The following NBPF12 variants were observed in gnomAD, a reference collection of about 807,000 sequenced individuals.
The protein encoded by NBPF12 is NBPF family member NBPF12.
In NBPF12, 115 loss-of-function variants were observed where a neutral mutation model predicts 146.4. The ratio of observed to expected loss-of-function variants is 0.79; its 90% CI spans 0.68 to 0.92. The LOEUF is 0.92. Among genes scored for constraint, NBPF12 ranks in the 40% least tolerant of loss-of-function variants. The probability of loss-of-function intolerance (pLI) is 0.00; values close to 1 mark genes in which losing one functional copy is unlikely to be tolerated. For missense variants in NBPF12, 1,205 were observed against 1,326.8 expected, an observed-to-expected ratio of 0.91 and a Z score of 1.43; for synonymous variants, 385 against 508.9, an observed-to-expected ratio of 0.76 and a Z score of 3.28.
At chr1:146,953,385 T>G in intron 2 of NBPF12, among the ~76,000 whole-genome samples, 1 of 141,516 alleles carries the variant, frequency 7.1e-6, no homozygotes, top group Middle Eastern at 3.5e-3. Flanking sequence ...CTGGAGCTTC[T>G]TGACTGGGGG....
exon 34 of NBPF12, chr1:146,994,936 G>A (rs1198831127): frequency 2.3e-4 from 85 of 366,508 alleles, no homozygotes; most frequent in Non-Finnish European, 3.8e-4. Context: ...TTTGTGTTTA[G>A]TTCATCCAAA....
chr1:146,947,699 C>T (rs1553883485), upstream of NBPF12, among the ~76,000 whole-genome samples: 62,603 of 130,104 alleles, frequency 0.48, 16,458 homozygotes, highest in South Asian at 0.72. Context: ...ATAGAATAAA[C>T]ATTTGGAAAG....
chr1:146,973,246 G>A (rs1385196658), intron 14 of NBPF12, among the ~76,000 whole-genome samples: 19 of 149,412 alleles, frequency 1.3e-4, no homozygotes, highest in Admixed American at 4.6e-4. Context: ...AGGCTCAATC[G>A]TGTTTTCAAG....
upstream of NBPF12, among the ~76,000 whole-genome samples, chr1:146,944,690 G>A (rs1377217004): frequency 7.9e-5 from 12 of 151,408 alleles, no homozygotes; most frequent in South Asian, 2.1e-4. Flanking sequence ...ACAGTAGTGC[G>A]TCTCTCTCTA....
intron 7 of NBPF12, 91 bp from the exon 11 acceptor site, chr1:146,964,802 A>G: frequency 6.3e-7 from 1 of 1,592,154 alleles, no homozygotes; most frequent in Non-Finnish European, 8.6e-7. Flanking sequence ...CCACTCTCTT[A>G]ATGCCGCCTG....
chr1:146,977,329 C>T (rs1406558873), intron 17 of NBPF12, 137 bp from the exon 21 acceptor site: 3 of 1,097,654 alleles, frequency 2.7e-6, no homozygotes, highest in South Asian at 2.7e-5. Flanking sequence ...ATTGCATGTT[C>T]CCTCTTAATG....
intron 2 of NBPF12, among the ~76,000 whole-genome samples, chr1:146,954,329 A>G (rs1655458331): frequency 1.7e-5 from 2 of 118,192 alleles, no homozygotes; most frequent in African/African-American, 3.2e-5. Context: ...GGCAGAGGTT[A>G]CAGTGAGCCG....
In NBPF12 at chr1:146,982,601, A is replaced by C. The variant is rs1200517222; in HGVS notation, c.2451-327A>C. On this transcript the variant is annotated intron_variant, in intron 19 of 33. Coordinates refer to ENST00000617844, the Ensembl canonical transcript of NBPF12. ...ACTTGAATGCTGCGTGTAAAATTCA[A>C]CCCAATTTATGCAAAGTAGTTGAAG... Among the ~76,000 whole-genome samples the C allele has an allele frequency of 1.0e-2, 1,512 of 151,784 alleles. 28 individuals are homozygous for C. The highest frequency in any genetic ancestry group is 0.035 in the African/African-American group (1,431 of 41,264).
chr1:146,938,810 G>A (rs1654646286), exon 1 of NBPF12: 2 of 152,934 alleles, frequency 1.3e-5, no homozygotes, highest in South Asian at 2.1e-4. Context: ...GGCGGTGCTG[G>A]GAGGGGTAGG....
At chr1:146,967,931 T>G (rs1266806326) in intron 9 of NBPF12, among the ~76,000 whole-genome samples, 1 of 145,258 alleles carries the variant, frequency 6.9e-6, no homozygotes, top group Non-Finnish European at 1.5e-5. Context: ...TGTGTCACAC[T>G]TTATGCTTCA....
intron 8 of NBPF12, 119 bp downstream of exon 11, chr1:146,965,223 G>A: frequency 1.3e-6 from 1 of 747,580 alleles, no homozygotes; most frequent in Non-Finnish European, 2.4e-6. Flanking sequence ...GATGGAGCTA[G>A]GTGCTGTGAC....
At position 146,971,353 on chromosome 1, in the gene NBPF12, C is replaced by A. The variant is rs1280742478; in HGVS notation, c.1550C>A (p.Ser517Tyr). Residue 517 changes from serine (S) to tyrosine (Y), a missense_variant, in exon 13 of 34, where the codon TCC becomes TAC. Around this residue, in one of 16 missense-constraint regions of NBPF12, gnomAD observed 278 missense variants for 203.1 expected, o/e 1.37. Transcript: ENST00000617844. ...TCATCTCTGGTTGTAGACAGAGAATCCTCTCATGATGAATGTCAGGATGCT... is the reference window on the plus strand; with the variant it reads ...TCATCTCTGGTTGTAGACAGAGAATACTCTCATGATGAATGTCAGGATGCT... 547 of 1,611,614 alleles carry A rather than the reference C, an allele frequency of 3.4e-4. 22 individuals carry two copies. Among genetic ancestry groups the A allele is most frequent in the African/African-American group, 3.4e-3 (249 of 73,658 alleles).
At chr1:146,987,452 A>G (rs1657842552) in intron 25 of NBPF12, among the ~76,000 whole-genome samples, 167 bp downstream of exon 28, 2 of 152,070 alleles carry the variant, frequency 1.3e-5, no homozygotes. Flanking sequence ...TTAGGTTTCC[A>G]TTTCTTCCTC....
At chr1:146,964,504 A>C in intron 7 of NBPF12, 75 bp downstream of exon 10, 1 of 1,591,314 alleles carries the variant, frequency 6.3e-7, no homozygotes, top group Non-Finnish European at 8.6e-7. Context: ...CCTCTCTGGC[A>C]TCTATGGTGG....
intron 13 of NBPF12, among the ~76,000 whole-genome samples, chr1:146,971,940 T>A: frequency 7.5e-6 from 1 of 133,820 alleles, no homozygotes; most frequent in East Asian, 2.3e-4. Context: ...AAAAAAAAAT[T>A]AGCTGGGCGC....
chr1:146,955,812 G>T (rs1162683769), intron 2 of NBPF12, among the ~76,000 whole-genome samples: 13 of 151,594 alleles, frequency 8.6e-5, no homozygotes. Context: ...AAACTTGTTT[G>T]TGGAGGCCTG....
chr1:146,983,173 G>C (rs1255348736), intron 20 of NBPF12, 82 bp downstream of exon 23: 28 of 1,519,184 alleles, frequency 1.8e-5, no homozygotes, highest in Non-Finnish European at 2.4e-5. Context: ...TGTGCCCCTT[G>C]TTGGGCTGAG....
upstream of NBPF12, among the ~76,000 whole-genome samples, chr1:146,946,803 ATTCTT>A (rs1655096483): frequency 6.6e-6 from 1 of 151,392 alleles, no homozygotes; most frequent in Non-Finnish European, 1.5e-5. Flanking sequence ...ATCTCCTAGG[ATTCTT>A]ATGGTTTTGC....
chr1:146,994,096 C>T (rs1470335572), intron 33 of NBPF12, among the ~76,000 whole-genome samples: 1 of 65,554 alleles, frequency 1.5e-5, no homozygotes, highest in African/African-American at 5.6e-5. Context: ...CACTTTCTCT[C>T]TGTCTCTGTC....
Sources: gnomAD v4.1 joint callset for allele counts (sites outside exome capture counted in the v4.1 genomes callset) on GRCh38, gnomAD v4.1.1 for gene constraint, gnomAD v4.1.1 regional missense constraint, MANE v1.5 for transcripts, NCBI Gene and HGNC (gene_info 2026-07-23, HGNC 2026-07-21) for gene names.